The following ADCY8 variants were observed in gnomAD, a reference collection of about 807,000 sequenced individuals.
The protein encoded by ADCY8 is adenylate cyclase type 8.
ADCY8 carries 51 observed loss-of-function variants against 119.7 expected under a neutral mutation model. The ratio of observed to expected loss-of-function variants is 0.43; its 90% CI spans 0.34 to 0.54. The LOEUF (loss-of-function observed/expected upper bound fraction) is 0.54, where lower values mean the gene tolerates loss of function less well. ADCY8 is among the 20% of genes least tolerant of loss of function. ADCY8 has a pLI of 0.03. For missense variants in ADCY8, 1,383 were observed against 1,598.8 expected (o/e 0.87, Z 2.30); for synonymous variants, 665 against 651.0 (o/e 1.02, Z -0.33).
At chr8:130,781,859 C>A in intron 17 of ADCY8, among the ~76,000 whole-genome samples, 1 of 152,184 alleles carries the variant, frequency 6.6e-6, no homozygotes, top group East Asian at 1.9e-4. Flanking sequence ...ACAATTATTT[C>A]ATTCTACAAA....
At chr8:130,911,024 G>C (rs1563725472) in intron 5 of ADCY8, among the ~76,000 whole-genome samples, 1 of 152,076 alleles carries the variant, frequency 6.6e-6, no homozygotes, top group Admixed American at 6.5e-5. Flanking sequence ...ATTTGTCTTT[G>C]ACAGAAGACA....
chr8:130,876,316 G>T (rs1420089904), intron 8 of ADCY8, among the ~76,000 whole-genome samples: 1 of 152,110 alleles, frequency 6.6e-6, no homozygotes, highest in East Asian at 1.9e-4. Context: ...CTCCCAAAAT[G>T]CTAGGATTAC....
At chr8:130,937,444 T>C (rs1316140024) in intron 4 of ADCY8, among the ~76,000 whole-genome samples, 2 of 152,222 alleles carry the variant, frequency 1.3e-5, no homozygotes, top group African/African-American at 4.8e-5. Context: ...AAAAGCTACA[T>C]GGTTATATCC....
chr8:131,009,706 G>C (rs571052748), intron 1 of ADCY8, among the ~76,000 whole-genome samples: 1 of 152,362 alleles, frequency 6.6e-6, no homozygotes, highest in African/African-American at 2.4e-5. Flanking sequence ...TAATGCATTA[G>C]AGTAGAATCT....
intron 2 of ADCY8, among the ~76,000 whole-genome samples, chr8:130,984,283 G>T (rs1053941249): frequency 1.3e-5 from 2 of 152,166 alleles, no homozygotes; most frequent in Non-Finnish European, 2.9e-5. Context: ...TGGGGAGGAA[G>T]CACATTCTTA....
In ADCY8 at chr8:130,836,342, G is replaced by A. The variant is rs1429342603; in HGVS notation, c.2610C>T (p.Ala870=). Residue 870 remains alanine (A), a synonymous_variant, in exon 12 of 18, where the codon GCC becomes GCT. Transcript: ENST00000286355. Reference sequence around the variant, plus strand: ...CTGCGTAGACGGTCTCAGTGAGCAGGGCATAGATGGCAATCATGATCAGCA... The same window carrying A: ...CTGCGTAGACGGTCTCAGTGAGCAGAGCATAGATGGCAATCATGATCAGCA... The part of the protein sequence containing the change: ...AVLLIMIAIY[A]LLTETVYAGL... The A allele has an allele frequency of 1.2e-6, 2 of 1,613,908 alleles. No homozygotes were observed. The highest frequency in any genetic ancestry group is 1.7e-4 in the Middle Eastern group (1 of 6,058).
intron 14 of ADCY8, among the ~76,000 whole-genome samples, chr8:130,808,643 A>C (rs1268047668): frequency 6.6e-6 from 1 of 152,186 alleles, no homozygotes; most frequent in East Asian, 1.9e-4. Flanking sequence ...GCACCTACAC[A>C]CGGCCTTTCT....
chr8:130,815,167 G>A (rs1816297876), intron 13 of ADCY8, among the ~76,000 whole-genome samples: 1 of 152,202 alleles, frequency 6.6e-6, no homozygotes, highest in Non-Finnish European at 1.5e-5. Flanking sequence ...CAGGTAGCCA[G>A]CCATCTGCAA....
intron 12 of ADCY8, among the ~76,000 whole-genome samples, chr8:130,825,482 A>C (rs1405756967): frequency 6.6e-6 from 1 of 152,168 alleles, no homozygotes; most frequent in Non-Finnish European, 1.5e-5. Context: ...AGTGTGCCCA[A>C]GTTCAAGTGT....
intron 2 of ADCY8, among the ~76,000 whole-genome samples, chr8:130,986,304 A>G (rs752929291): frequency 6.6e-6 from 1 of 152,194 alleles, no homozygotes. Flanking sequence ...TTTAATATTC[A>G]TATAGGTAGA....
intron 1 of ADCY8, among the ~76,000 whole-genome samples, chr8:130,992,235 A>G (rs1822602133): frequency 7.1e-6 from 1 of 140,560 alleles, no homozygotes; most frequent in Non-Finnish European, 1.6e-5. Context: ...GTGTACTACC[A>G]TGCCCAGCTA....
chr8:130,965,757 T>C lies in ADCY8; in HGVS notation c.1111-13759A>G, dbSNP rs183130907. On this transcript the variant is annotated intron_variant, in intron 2 of 17. Coordinates refer to ENST00000286355, the MANE Select transcript of ADCY8 (RefSeq NM_001115.3). ...CTCAGCATTATTTCAAAAGAATAGA[T>C]AATAAATTTATCATTTTATGTTTAA... Among the ~76,000 whole-genome samples the C allele has an allele frequency of 1.2e-4, 19 of 152,308 alleles. 1 individual carries two copies. Among genetic ancestry groups the C allele is most frequent in the Admixed American group, 9.1e-4 (14 of 15,302 alleles).
chr8:130,848,452 G>A (rs1424550771), intron 10 of ADCY8, among the ~76,000 whole-genome samples: 1 of 152,192 alleles, frequency 6.6e-6, no homozygotes, highest in Non-Finnish European at 1.5e-5. Context: ...TAAATTAGAT[G>A]ATAATTTTCC....
intron 9 of ADCY8, among the ~76,000 whole-genome samples, chr8:130,855,721 T>C (rs1163287203): frequency 6.6e-6 from 1 of 152,070 alleles, no homozygotes; most frequent in African/African-American, 2.4e-5. Flanking sequence ...TCCATCTCTC[T>C]CATCCCCCAC....
chr8:130,861,066 G>A (rs918341512), intron 9 of ADCY8, among the ~76,000 whole-genome samples: 2 of 152,164 alleles, frequency 1.3e-5, no homozygotes, highest in Admixed American at 6.5e-5. Flanking sequence ...TCTATTGAGC[G>A]ATGTGTTTAT....
chr8:130,870,887 ACTTTT>A (rs1297161975), intron 8 of ADCY8, among the ~76,000 whole-genome samples: 4 of 152,132 alleles, frequency 2.6e-5, no homozygotes, highest in African/African-American at 4.8e-5. Flanking sequence ...TTTGAACCTC[ACTTTT>A]CTTATCTGTC....
chr8:130,869,908 CA>C (rs1205232907), intron 8 of ADCY8, among the ~76,000 whole-genome samples: 3 of 151,616 alleles, frequency 2.0e-5, no homozygotes, highest in Non-Finnish European at 2.9e-5. Flanking sequence ...TGTAGTTAAT[CA>C]GTACACTAAA....
chr8:130,947,601 C>T (rs1258752744), intron 3 of ADCY8, among the ~76,000 whole-genome samples: 1 of 152,138 alleles, frequency 6.6e-6, no homozygotes, highest in Non-Finnish European at 1.5e-5. Context: ...CACATGTTGA[C>T]AGGGCTGGCT....
At chr8:130,902,876 ATTTC>A (rs902140522) in intron 7 of ADCY8, among the ~76,000 whole-genome samples, 19 of 151,962 alleles carry the variant, frequency 1.3e-4, no homozygotes, top group African/African-American at 4.6e-4. Flanking sequence ...GGCTATTTTT[ATTTC>A]TTTCTCTAAA....
Sources: allele counts gnomAD v4.1 joint callset (sites outside exome capture counted in the v4.1 genomes callset), GRCh38; gene constraint gnomAD v4.1.1; transcripts MANE v1.5; gene names NCBI Gene and HGNC (gene_info 2026-07-23, HGNC 2026-07-21).